The following MSI2 variants were observed in gnomAD, a reference collection of about 807,000 sequenced individuals.
The protein encoded by MSI2 is musashi RNA binding protein 2, also known as RNA-binding protein Musashi homolog 2.
MSI2 carries 17 observed loss-of-function variants against 45.6 expected under a neutral mutation model. The ratio of observed to expected loss-of-function variants is 0.37; its 90% CI spans 0.26 to 0.56. The LOEUF is 0.56. Among genes scored for constraint, MSI2 ranks in the 20% least tolerant of loss-of-function variants. The pLI is 0.77. For missense variants in MSI2, 293 were observed against 444.2 expected (o/e 0.66, Z 3.06); for synonymous variants, 156 against 158.2 (o/e 0.99, Z 0.11).
chr17:57,579,995 C>T (rs1321805983), intron 7 of MSI2, among the ~76,000 whole-genome samples: 1 of 151,832 alleles, frequency 6.6e-6, no homozygotes, highest in Non-Finnish European at 1.5e-5. Flanking sequence ...CCCACATGTT[C>T]AGAAGGCCTC....
chr17:57,677,548 T>A (rs867959258), intron 13 of MSI2, among the ~76,000 whole-genome samples: 38 of 152,324 alleles, frequency 2.5e-4, no homozygotes, highest in Middle Eastern at 6.8e-3. Flanking sequence ...CAGGCCTTGC[T>A]GGGGCTCAGC....
chr17:57,403,987 CAT>C (rs1383311698), intron 6 of MSI2, among the ~76,000 whole-genome samples: 4 of 152,172 alleles, frequency 2.6e-5, no homozygotes, highest in Admixed American at 6.5e-5. Context: ...TATTCACACA[CAT>C]GTGTACACCC....
intron 5 of MSI2, among the ~76,000 whole-genome samples, chr17:57,291,634 G>A (rs1910425357): frequency 6.6e-6 from 1 of 152,174 alleles, no homozygotes; most frequent in African/African-American, 2.4e-5. Flanking sequence ...CGACTCTGCT[G>A]CTTTTTCTTA....
chr17:57,274,739 CA>C (rs1555571094), intron 5 of MSI2, among the ~76,000 whole-genome samples: 5 of 152,196 alleles, frequency 3.3e-5, no homozygotes, highest in Non-Finnish European at 7.3e-5. Flanking sequence ...TGGATTCAGA[CA>C]AATTCATGTG....
intron 6 of MSI2, among the ~76,000 whole-genome samples, chr17:57,411,971 C>A (rs1379997631): frequency 6.6e-6 from 1 of 150,868 alleles, no homozygotes; most frequent in Non-Finnish European, 1.5e-5. Flanking sequence ...CACACCATTG[C>A]ACTCCAGCCT....
chr17:57,258,447 T>A, intron 4 of MSI2, 93 bp downstream of exon 4: 1 of 1,066,316 alleles, frequency 9.4e-7, no homozygotes, highest in South Asian at 1.2e-5. Flanking sequence ...TTCTTTTGCT[T>A]CTGTGCTAGA....
At chr17:57,667,909 A>T (rs1912491322) in intron 11 of MSI2, among the ~76,000 whole-genome samples, 1 of 152,150 alleles carries the variant, frequency 6.6e-6, no homozygotes, top group African/African-American at 2.4e-5. Flanking sequence ...ATAAAAACAC[A>T]CCAGGAGGGC....
intron 6 of MSI2, among the ~76,000 whole-genome samples, chr17:57,446,036 A>G (rs1204658339): frequency 2.0e-5 from 3 of 152,146 alleles, no homozygotes; most frequent in Non-Finnish European, 4.4e-5. Context: ...TTGTAATCTA[A>G]TGGGGAGTCA....
chr17:57,384,556 G>A (rs1438230422), intron 5 of MSI2, among the ~76,000 whole-genome samples: 3 of 152,206 alleles, frequency 2.0e-5, no homozygotes, highest in Non-Finnish European at 4.4e-5. Flanking sequence ...TCTGTCCTCT[G>A]TTGGTTGAAG....
intron 6 of MSI2, among the ~76,000 whole-genome samples, chr17:57,433,758 T>C (rs1294464259): frequency 6.6e-6 from 1 of 152,232 alleles, no homozygotes; most frequent in Non-Finnish European, 1.5e-5. Flanking sequence ...TCAGAGTTGA[T>C]CAGCCCCAGA....
At chr17:57,510,175 G>T (rs1220776923) in intron 6 of MSI2, among the ~76,000 whole-genome samples, 1 of 152,012 alleles carries the variant, frequency 6.6e-6, no homozygotes, top group East Asian at 1.9e-4. Flanking sequence ...AGCCTTTTGT[G>T]TGGCTGGGTT....
chr17:57,287,816 T>C (rs1049217527), intron 5 of MSI2, among the ~76,000 whole-genome samples: 5 of 152,198 alleles, frequency 3.3e-5, no homozygotes, highest in African/African-American at 1.2e-4. Context: ...GTGCTGGCAA[T>C]GCCATTGTGC....
intron 6 of MSI2, among the ~76,000 whole-genome samples, chr17:57,437,568 A>G (rs919196257): frequency 1.1e-4 from 17 of 152,154 alleles, no homozygotes; most frequent in Non-Finnish European, 1.5e-4. Context: ...TAGAATTCCA[A>G]TGTTCACTGC....
intron 6 of MSI2, among the ~76,000 whole-genome samples, chr17:57,465,819 G>C (rs2085320284): frequency 6.6e-6 from 1 of 152,142 alleles, no homozygotes; most frequent in Admixed American, 6.5e-5. Context: ...GGTTTTTATA[G>C]GCCCGAGAAT....
At chr17:57,438,111 C>T (rs2084723952) in intron 6 of MSI2, among the ~76,000 whole-genome samples, 2 of 152,214 alleles carry the variant, frequency 1.3e-5, no homozygotes, top group South Asian at 2.1e-4. Flanking sequence ...CACCTCCCAG[C>T]GCCTGGGAGA....
intron 5 of MSI2, among the ~76,000 whole-genome samples, chr17:57,281,935 T>C (rs1169928925): frequency 2.0e-5 from 3 of 152,122 alleles, no homozygotes; most frequent in African/African-American, 7.2e-5. Flanking sequence ...AACCTGAAAA[T>C]GTGTCTTCCA....
chr17:57,306,311 TGA>T (rs1011511298), intron 5 of MSI2, among the ~76,000 whole-genome samples: 12 of 152,018 alleles, frequency 7.9e-5, no homozygotes, highest in African/African-American at 2.4e-4. Flanking sequence ...TTCCTACTAA[TGA>T]GAGAGAGAGA....
chr17:57,604,282 A>G (rs1282440473), intron 8 of MSI2, among the ~76,000 whole-genome samples: 1 of 152,220 alleles, frequency 6.6e-6, no homozygotes, highest in Non-Finnish European at 1.5e-5. Flanking sequence ...CACGCTCTCT[A>G]TCAGAGTGAT....
At chr17:57,268,628 G>A (rs954849108) in intron 5 of MSI2, 1 of 151,916 alleles carries the variant, frequency 6.6e-6, no homozygotes, top group Non-Finnish European at 1.5e-5. Flanking sequence ...ACGAGGTCAG[G>A]AGTTCAAGAT....
Sources: gnomAD v4.1 joint callset for allele counts (sites outside exome capture counted in the v4.1 genomes callset) on GRCh38, gnomAD v4.1.1 for gene constraint, MANE v1.5 for transcripts, NCBI Gene and HGNC (gene_info 2026-07-23, HGNC 2026-07-21) for gene names.